The following DNTTIP1 variants were observed in gnomAD, a reference collection of about 807,000 sequenced individuals.
The protein encoded by DNTTIP1 is deoxynucleotidyltransferase terminal interacting protein 1.
Under a neutral mutation model 52.9 loss-of-function variants are expected in DNTTIP1, and 22 were observed. That is an observed-to-expected ratio of 0.42 (90% confidence interval 0.30 to 0.59). DNTTIP1 has a LOEUF of 0.59. DNTTIP1 is among the 20% of genes least tolerant of loss of function. The probability of loss-of-function intolerance (pLI) is 0.22; values close to 1 mark genes in which losing one functional copy is unlikely to be tolerated. For missense variants in DNTTIP1, 286 were observed against 435.5 expected (o/e 0.66, Z 3.06); for synonymous variants, 136 against 155.1 (o/e 0.88, Z 0.92).
chr20:45,797,780 A>G (rs1049851719), intron 4 of DNTTIP1, among the ~76,000 whole-genome samples: 10 of 152,264 alleles, frequency 6.6e-5, no homozygotes, highest in Non-Finnish European at 1.5e-4. Flanking sequence ...AACCACAATG[A>G]GATACCATCT....
chr20:45,792,123 C>A lies in DNTTIP1; in HGVS notation c.105+14C>A. On this transcript the variant is annotated intron_variant, in intron 1 of 12. Transcript: ENST00000372622. ...CTGGTTCTTACGGTGAGGGCGCCCC[C>A]GGTGAGGTCTGGGCTCAGGCCGGGC... The A allele has an allele frequency of 7.9e-7, 1 of 1,259,682 alleles. No individual in the cohort carries two copies. The highest frequency in any genetic ancestry group is 1.0e-6 in the Non-Finnish European group (1 of 995,122). 78.0% of individuals were successfully genotyped at this position (1,259,682 alleles called of 1,614,324 possible). A position where few individuals can be genotyped will look rare whatever the true frequency, so the allele number is the denominator to read the frequency against.
At chr20:45,799,562 A>G (rs1389599658) in intron 4 of DNTTIP1, among the ~76,000 whole-genome samples, 1 of 152,214 alleles carries the variant, frequency 6.6e-6, no homozygotes, top group Non-Finnish European at 1.5e-5. Flanking sequence ...ATCTCAACTC[A>G]GAGGCCACCT....
intron 8 of DNTTIP1, among the ~76,000 whole-genome samples, chr20:45,804,681 G>GTAGT (rs1162074697): frequency 6.6e-6 from 1 of 152,168 alleles, no homozygotes; most frequent in African/African-American, 2.4e-5. Flanking sequence ...AGAATTACTA[G>GTAGT]TAGTTTCTCC....
Position 45,811,381 on chromosome 20 carries a change from T to G in DNTTIP1, c.*186T>G. On this transcript the variant is annotated 3_prime_UTR_variant, in exon 13 of 13. Transcript: ENST00000372622. ...TGTGGTTCTATATTTGTAAAGTTAT[T>G]GGGATAAGAAACAATTAAACAGTTT... 1 of 590,324 alleles carries G rather than the reference T, an allele frequency of 1.7e-6. No individual in the cohort carries two copies. Among genetic ancestry groups the G allele is most frequent in the Non-Finnish European group, 2.8e-6 (1 of 354,286 alleles). 36.6% of individuals were successfully genotyped at this position (590,324 alleles called of 1,614,324 possible). A position where few individuals can be genotyped will look rare whatever the true frequency, so the allele number is the denominator to read the frequency against.
At chr20:45,795,227 C>A in intron 3 of DNTTIP1, 118 bp from the exon 4 acceptor site, 3 of 581,608 alleles carry the variant, frequency 5.2e-6, no homozygotes, top group Non-Finnish European at 9.2e-6. Flanking sequence ...AAGCCCTGCT[C>A]ATAATCACTT....
intron 10 of DNTTIP1, among the ~76,000 whole-genome samples, chr20:45,808,235 A>C (rs184406197): frequency 2.0e-5 from 3 of 152,124 alleles, no homozygotes; most frequent in African/African-American, 4.8e-5. Context: ...AATCCCAGCT[A>C]TTCAAGGCTG....
chr20:45,800,850 TG>T (rs2145701661), intron 4 of DNTTIP1, among the ~76,000 whole-genome samples: 1 of 149,070 alleles, frequency 6.7e-6, no homozygotes, highest in Admixed American at 6.7e-5. Context: ...AAAAATTAGC[TG>T]GGTATGGTGG....
At chr20:45,805,009 G>A (rs1981585755) in intron 8 of DNTTIP1, 137 bp from the exon 9 acceptor site, 2 of 775,636 alleles carry the variant, frequency 2.6e-6, no homozygotes, top group Non-Finnish European at 4.6e-6. Flanking sequence ...CATATTGTGA[G>A]TACTCAGTGT....
In DNTTIP1 at chr20:45,795,595, T is replaced by C. The variant is rs1981213609; in HGVS notation, c.372+152T>C. The C allele has an allele frequency of 7.5e-6, 4 of 530,108 alleles. No homozygotes were observed. In the East Asian group the frequency reaches 1.3e-4, roughly 17 times the overall value. 32.8% of individuals were successfully genotyped at this position (530,108 alleles called of 1,614,324 possible). ...GGGCAGATCACTCAAGGCCAGGAGT[T>C]TGAGACCAGCTTGGGCAACGTGGCT... On this transcript the variant is annotated intron_variant, in intron 4 of 12. Transcript: ENST00000372622.
chr20:45,800,995 A>G, intron 4 of DNTTIP1, 79 bp from the exon 5 acceptor site: 1 of 257,040 alleles, frequency 3.9e-6, no homozygotes, highest in Non-Finnish European at 5.6e-6. Flanking sequence ...CTCTGTCTCC[A>G]AAAAAAAAAA....
At chr20:45,807,931 G>A (rs1240234414) in intron 10 of DNTTIP1, among the ~76,000 whole-genome samples, 3 of 151,694 alleles carry the variant, frequency 2.0e-5, no homozygotes, top group South Asian at 4.2e-4. Context: ...CAACCTGGGC[G>A]ACAGAGCAAT....
chr20:45,810,981 C>T, intron 12 of DNTTIP1, 41 bp downstream of exon 12: 2 of 1,614,068 alleles, frequency 1.2e-6, no homozygotes, highest in Non-Finnish European at 1.7e-6. Flanking sequence ...CTCTCCCTGC[C>T]TCCAAATAGC....
Position 45,809,362 on chromosome 20 carries a change from T to A in DNTTIP1, c.795+177T>A, listed in dbSNP as rs765888839. Among the ~76,000 whole-genome samples, 18 of 152,224 alleles carry A rather than the reference T, an allele frequency of 1.2e-4. No individual in the cohort carries two copies. The highest frequency in any genetic ancestry group is 2.2e-4 in the Non-Finnish European group (15 of 68,048). ...GAAGAGCAAATTGTAATCTTCAGGT[T>A]CCCTTCCCTATCCCTAGGTCTCCCT... On this transcript the variant is annotated intron_variant, in intron 11 of 12. Transcript: ENST00000372622. This position sits in a 1 kb window ranked among gnomAD's most constrained non-coding sequence, Gnocchi z 4.2.
Position 45,801,113 on chromosome 20 carries a change from A to T in DNTTIP1, c.412A>T (p.Arg138Ter), listed in dbSNP as rs777952452. The T allele has an allele frequency of 3.7e-6, 6 of 1,614,174 alleles. No homozygotes were observed. The Admixed American group carries it at 6.7e-5, about 18-fold the overall frequency. Reference protein sequence around the residue: ...LFSDGEKVIPRLTHELPGIKR... With the variant: ...LFSDGEKVIP ...TTCAGATGGAGAAAAAGTAATACCCAGATTGACCCATGAGCTTCCAGGAAT... is the reference window on the plus strand; with the variant it reads ...TTCAGATGGAGAAAAAGTAATACCCTGATTGACCCATGAGCTTCCAGGAAT... The change falls in exon 5 of 13, where the codon AGA (arginine) becomes TGA (stop). Residue 138 changes from arginine (R) to a stop codon, truncating the protein, a stop_gained. Coordinates refer to ENST00000372622, the MANE Select transcript of DNTTIP1 (RefSeq NM_052951.3). LOFTEE classifies it high-confidence loss of function.
intron 10 of DNTTIP1, among the ~76,000 whole-genome samples, chr20:45,807,656 C>T (rs973482245): frequency 5.3e-5 from 8 of 152,110 alleles, no homozygotes; most frequent in African/African-American, 1.9e-4. Flanking sequence ...GAGCAAAACA[C>T]AGTTTCTCAG....
At chr20:45,802,182 G>A (rs1568708353) in intron 7 of DNTTIP1, 125 bp downstream of exon 7, 3 of 1,049,400 alleles carry the variant, frequency 2.9e-6, no homozygotes, top group Middle Eastern at 2.8e-4. Flanking sequence ...TCATCGTGGA[G>A]GGGGGTTATC....
chr20:45,799,016 A>G (rs1304489833), intron 4 of DNTTIP1, among the ~76,000 whole-genome samples: 1 of 152,244 alleles, frequency 6.6e-6, no homozygotes, highest in African/African-American at 2.4e-5. Flanking sequence ...TTCACTGGAA[A>G]GGGACAAAGT....
At chr20:45,804,534 G>A (rs1005476243) in intron 8 of DNTTIP1, among the ~76,000 whole-genome samples, 4 of 152,094 alleles carry the variant, frequency 2.6e-5, no homozygotes, top group South Asian at 2.1e-4. Context: ...GGCCTTCAGC[G>A]ATTCCCCATT....
At position 45,801,577 on chromosome 20, in the gene DNTTIP1, C is replaced by A. The variant is rs1981474140; in HGVS notation, c.498+119C>A. The A allele has an allele frequency of 4.6e-6, 5 of 1,081,362 alleles. No homozygotes were observed. The South Asian group carries it at 5.4e-5, about 12-fold the overall frequency. 67.0% of individuals were successfully genotyped at this position (1,081,362 alleles called of 1,614,324 possible). A position where few individuals can be genotyped will look rare whatever the true frequency, so the allele number is the denominator to read the frequency against. ...CCAAGCGGGGAGGATCACTTGAGCT[C>A]AGGAGTTTTGAGACCAGTCTGGGTA... On this transcript the variant is annotated intron_variant, in intron 6 of 12. Transcript: ENST00000372622.
Sources: gnomAD v4.1 joint callset for allele counts (sites outside exome capture counted in the v4.1 genomes callset) on GRCh38, gnomAD v4.1.1 for gene constraint, Gnocchi (gnomAD v3.1) non-coding constraint, MANE v1.5 for transcripts, NCBI Gene and HGNC (gene_info 2026-07-23, HGNC 2026-07-21) for gene names.